The following CTNND2 variants were observed in gnomAD, a reference collection of about 807,000 sequenced individuals.
CTNND2 encodes the protein catenin delta 2.
Under a neutral mutation model 144.4 loss-of-function variants are expected in CTNND2, and 22 were observed. That is an observed-to-expected ratio of 0.15 (90% CI 0.11 to 0.22). The LOEUF (loss-of-function observed/expected upper bound fraction) is 0.22. CTNND2 is among the 10% of genes least tolerant of loss of function. The pLI is 1.00. For synonymous variants in CTNND2, 751 were observed against 695.6 expected (o/e 1.08, Z -1.25); for missense variants, 1,353 against 1,618.8 (o/e 0.84, Z 2.82).
intron 9 of CTNND2, among the ~76,000 whole-genome samples, chr5:11,297,199 C>T (rs1749114232): frequency 6.6e-6 from 1 of 152,128 alleles, no homozygotes. Flanking sequence ...TTACACAGTA[C>T]AAAAAAGTTC....
intron 1 of CTNND2, among the ~76,000 whole-genome samples, chr5:11,767,753 T>A (rs904977931): frequency 2.0e-5 from 3 of 152,114 alleles, no homozygotes; most frequent in Non-Finnish European, 4.4e-5. Context: ...CAGAGGCAGT[T>A]GAGGTAAGCT....
chr5:11,132,473 C>A (rs1049311449), intron 12 of CTNND2, among the ~76,000 whole-genome samples: 1 of 152,108 alleles, frequency 6.6e-6, no homozygotes, highest in Non-Finnish European at 1.5e-5. Flanking sequence ...AAGGGGACTC[C>A]GAGACTCTTT....
At chr5:11,849,735 A>T (rs892171124) in intron 1 of CTNND2, among the ~76,000 whole-genome samples, 1 of 152,188 alleles carries the variant, frequency 6.6e-6, no homozygotes, top group African/African-American at 2.4e-5. Flanking sequence ...GTCCCGGATG[A>T]TTCTCATGGC....
chr5:11,903,774 A>C lies in CTNND2; in HGVS notation c.37+43T>G. ...GCAAGAGGAGGAGGACGGCGCCGGG[A>C]GGAGGCTGCGCCCGGCCCCGGCCGC... On this transcript the variant is annotated intron_variant, in intron 1 of 21. Transcript: ENST00000304623. This position sits in a 1 kb window ranked among gnomAD's most constrained non-coding sequence, Gnocchi z 5.4. 1.4e-6 allele frequency: 2 copies of C among 1,465,514 alleles called. No individual in the cohort carries two copies. Among genetic ancestry groups the C allele is most frequent in the Non-Finnish European group, 1.8e-6 (2 of 1,113,336 alleles). The allele number at this position is 1,465,514 out of a possible 1,614,324, so 90.8% of individuals were successfully genotyped here.
chr5:11,498,918 T>G lies in CTNND2; in HGVS notation c.287+66026A>C, dbSNP rs371653174. ...AAGCAGTCTAAGATCTGGATGTGTG[T>G]TTTTTTTTAAATGTATTTGATGGCT... On this transcript the variant is annotated intron_variant, in intron 3 of 21. Transcript: ENST00000304623. Among the ~76,000 whole-genome samples the G allele has an allele frequency of 6.7e-4, 102 of 151,662 alleles. 1 individual carries two copies. Among genetic ancestry groups the G allele is most frequent in the African/African-American group, 2.1e-3 (88 of 41,390 alleles).
chr5:11,405,903 C>T (rs887999397), intron 5 of CTNND2, among the ~76,000 whole-genome samples: 1 of 152,170 alleles, frequency 6.6e-6, no homozygotes, highest in Admixed American at 6.5e-5. Context: ...CCTCCCAGCA[C>T]TTTGGGAGGC....
At chr5:11,516,473 T>C (rs547344984) in intron 3 of CTNND2, among the ~76,000 whole-genome samples, 1 of 152,290 alleles carries the variant, frequency 6.6e-6, no homozygotes, top group East Asian at 1.9e-4. Flanking sequence ...TGTGTTGAAC[T>C]GATAATCAAC....
intron 16 of CTNND2, among the ~76,000 whole-genome samples, chr5:11,065,155 G>C (rs544258255): frequency 6.6e-6 from 1 of 152,366 alleles, no homozygotes; most frequent in East Asian, 1.9e-4. Context: ...AGGTTTGCTA[G>C]AAGTCCTGCT....
chr5:11,021,615 A>T (rs773673168), intron 17 of CTNND2, among the ~76,000 whole-genome samples: 9 of 152,212 alleles, frequency 5.9e-5, no homozygotes, highest in Non-Finnish European at 1.3e-4. Flanking sequence ...AAAACATTCA[A>T]ATCCAAATGC....
chr5:11,226,509 ACATGACTGGGGAGGCCTCACAAT>A (rs2149876271), intron 10 of CTNND2, among the ~76,000 whole-genome samples: 1 of 152,366 alleles, frequency 6.6e-6, no homozygotes, highest in East Asian at 1.9e-4. Flanking sequence ...TCACAGTTCC[ACATGACTGGGGAGGCCTCACAAT>A]CATGGCGGAA....
chr5:11,758,316 G>C (rs1467957276), intron 1 of CTNND2, among the ~76,000 whole-genome samples: 2 of 151,800 alleles, frequency 1.3e-5, no homozygotes, highest in Non-Finnish European at 2.9e-5. Flanking sequence ...AATCAGGATA[G>C]CTAACACATT....
At chr5:11,055,588 C>T (rs1235332361) in intron 16 of CTNND2, among the ~76,000 whole-genome samples, 2 of 152,326 alleles carry the variant, frequency 1.3e-5, no homozygotes, top group East Asian at 3.9e-4. Flanking sequence ...GTCTTTTCTC[C>T]TGTTAATGTG....
At chr5:11,195,205 A>T (rs1053834547) in intron 11 of CTNND2, among the ~76,000 whole-genome samples, 2 of 152,220 alleles carry the variant, frequency 1.3e-5, no homozygotes, top group Non-Finnish European at 2.9e-5. Context: ...TCACAAGAGA[A>T]TTTAATAGTA....
At chr5:11,275,009 G>A (rs1371080499) in intron 9 of CTNND2, among the ~76,000 whole-genome samples, 1 of 152,002 alleles carries the variant, frequency 6.6e-6, no homozygotes, top group African/African-American at 2.4e-5. Context: ...CATAATTACG[G>A]GTATAGAGTT....
chr5:11,155,215 C>T (rs990320394), intron 12 of CTNND2, among the ~76,000 whole-genome samples: 2 of 152,098 alleles, frequency 1.3e-5, no homozygotes, highest in African/African-American at 4.8e-5. Context: ...ATTATAGCGG[C>T]CACAGGTTAA....
At chr5:11,846,166 T>C (rs1034257342) in intron 1 of CTNND2, among the ~76,000 whole-genome samples, 1 of 152,194 alleles carries the variant, frequency 6.6e-6, no homozygotes, top group African/African-American at 2.4e-5. Flanking sequence ...CCTATTTCTA[T>C]TTGGACAATT....
chr5:11,289,846 C>T (rs935058772), intron 9 of CTNND2, among the ~76,000 whole-genome samples: 27 of 152,308 alleles, frequency 1.8e-4, no homozygotes, highest in Middle Eastern at 3.4e-3. Flanking sequence ...AAATGCAGAT[C>T]ATTCTTTTTG....
intron 1 of CTNND2, among the ~76,000 whole-genome samples, chr5:11,849,013 C>G (rs1437136691): frequency 6.6e-6 from 1 of 152,020 alleles, no homozygotes; most frequent in African/African-American, 2.4e-5. Context: ...GAAAGCAGAA[C>G]TAATAGACAG....
intron 11 of CTNND2, among the ~76,000 whole-genome samples, chr5:11,175,835 T>C (rs768270057): frequency 6.6e-6 from 1 of 152,156 alleles, no homozygotes; most frequent in Non-Finnish European, 1.5e-5. Flanking sequence ...AAGATCACCC[T>C]CTTGACACTG....
Sources: allele counts gnomAD v4.1 joint callset (sites outside exome capture counted in the v4.1 genomes callset), GRCh38; gene constraint gnomAD v4.1.1; non-coding constraint Gnocchi (gnomAD v3.1); transcripts MANE v1.5; gene names NCBI Gene and HGNC (gene_info 2026-07-23, HGNC 2026-07-21).